The following TATDN2 variants were observed in gnomAD, a reference collection of about 807,000 sequenced individuals.
TATDN2 encodes TatD DNase domain containing 2, also known as 3'-5' RNA nuclease TATDN2.
TATDN2 carries 44 observed loss-of-function variants against 60.3 expected under a neutral mutation model. The ratio of observed to expected loss-of-function variants is 0.73; its 90% CI spans 0.57 to 0.94. The LOEUF is 0.94. Ranked by LOEUF, TATDN2 falls within the 40% of genes least tolerant of loss-of-function variation. TATDN2 has a pLI of 0.00. For missense variants in TATDN2, 997 were observed against 948.0 expected (o/e 1.05, Z -0.68); for synonymous variants, 399 against 355.8 (o/e 1.12, Z -1.37).
chr3:10,251,254 G>A (rs1379585723), intron 2 of TATDN2, among the ~76,000 whole-genome samples: 1 of 152,180 alleles, frequency 6.6e-6, no homozygotes, highest in Non-Finnish European at 1.5e-5. Context: ...GTGGTATGAT[G>A]GAGTAGTGAG....
At chr3:10,268,730 C>A (rs998527877) in intron 3 of TATDN2, among the ~76,000 whole-genome samples, 2 of 152,156 alleles carry the variant, frequency 1.3e-5, no homozygotes, top group African/African-American at 4.8e-5. Context: ...GTTGAGGCAC[C>A]ATTTATTCTA....
Position 10,270,597 on chromosome 3 carries a change from G to C in TATDN2, c.1415G>C (p.Arg472Pro), listed in dbSNP as rs1010950060. 2 of 1,614,238 alleles carry C rather than the reference G, an allele frequency of 1.2e-6. No homozygotes were observed. The highest frequency in any genetic ancestry group is 1.7e-5 in the Admixed American group (1 of 60,032). ...ACATTCCAAGAGGAGATGCCTCCGC[G>C]TCCTTGTGGAGGACACGCATCCAGC... ...KRTFQEEMPP[R>P]PCGGHASSSL... Residue 472 changes from arginine to proline, a missense_variant, in exon 4 of 8, where the codon CGT becomes CCT. Arg to Pro is a moderately radical substitution (Grantham distance 103, BLOSUM62 -2). Coordinates refer to ENST00000448281, the MANE Select transcript of TATDN2 (RefSeq NM_014760.4).
Position 10,278,485 on chromosome 3 carries a change from T to G in TATDN2, c.2145+23T>G. The G allele has an allele frequency of 6.2e-7, 1 of 1,603,138 alleles. No homozygotes were observed. Among genetic ancestry groups the G allele is most frequent in the Non-Finnish European group, 8.5e-7 (1 of 1,171,900 alleles). On this transcript the variant is annotated intron_variant, in intron 6 of 7. Transcript: ENST00000448281. The surrounding 1 kb of genome is among the most constrained non-coding windows in gnomAD (Gnocchi z 4.7). Reference sequence around the variant, plus strand: ...CAGGTAAGGGGGTCTTCAGGCTGAGTGGAGGCACCGGAGGGAGAGGGTGGG... The same window carrying G: ...CAGGTAAGGGGGTCTTCAGGCTGAGGGGAGGCACCGGAGGGAGAGGGTGGG...
chr3:10,250,367 T>TAAA (rs1698204572), intron 2 of TATDN2, among the ~76,000 whole-genome samples: 1 of 152,028 alleles, frequency 6.6e-6, no homozygotes, highest in Admixed American at 6.6e-5. Flanking sequence ...TCTAGGTGTT[T>TAAA]GGGATTCTTT....
At chr3:10,257,906 G>A (rs1488249046) in intron 2 of TATDN2, among the ~76,000 whole-genome samples, 1 of 112,082 alleles carries the variant, frequency 8.9e-6, no homozygotes, top group Non-Finnish European at 1.7e-5. Context: ...TGTAGCCCAG[G>A]CTGGAGTGCA....
chr3:10,270,657 A>G lies in TATDN2; in HGVS notation c.1475A>G (p.Glu492Gly). ...AAGAGCCACCTGGAGCCAAGCCTAGAGGAGGGCTTCATTGACACTCATTGT... is the reference window on the plus strand; with the variant it reads ...AAGAGCCACCTGGAGCCAAGCCTAGGGGAGGGCTTCATTGACACTCATTGT... Reference protein sequence around the residue: ...LPKSHLEPSLEEGFIDTHCHL... With the variant: ...LPKSHLEPSLGEGFIDTHCHL... The change falls in exon 4 of 8, where the codon GAG becomes GGG. Residue 492 changes from glutamate to glycine, a missense_variant. By Grantham distance (98) the Glu-to-Gly change is moderately conservative (BLOSUM62 -2). Transcript: ENST00000448281. 3 of 1,614,226 alleles carry G rather than the reference A, an allele frequency of 1.9e-6. No homozygotes were observed. The highest frequency in any genetic ancestry group is 2.5e-6 in the Non-Finnish European group (3 of 1,180,034).
In TATDN2 at chr3:10,249,446, C is replaced by T. The variant is rs1285006763; in HGVS notation, c.246C>T (p.Ser82=). The change falls in exon 2 of 8, where the codon TCC becomes TCT. Residue 82 remains serine, a synonymous_variant. Coordinates refer to ENST00000448281, the MANE Select transcript of TATDN2 (RefSeq NM_014760.4). ...GSSRRRNNSS[S]SFSPHFLGPG... is the part of the protein sequence containing the mutation. ...CCCGCCGCAGAAATAACTCCTCCTC[C>T]TCCTTCTCCCCACATTTCTTGGGCC... 6.2e-7 allele frequency: 1 copy of T among 1,614,004 alleles called. No individual in the cohort carries two copies. The highest frequency in any genetic ancestry group is 8.5e-7 in the Non-Finnish European group (1 of 1,180,012).
intron 2 of TATDN2, among the ~76,000 whole-genome samples, chr3:10,256,686 G>T (rs1698313177): frequency 2.0e-5 from 3 of 151,958 alleles, no homozygotes; most frequent in Non-Finnish European, 4.4e-5. Flanking sequence ...CCCGTCTGAG[G>T]GTGCAGATAC....
At chr3:10,272,768 C>G (rs1698585101) in intron 4 of TATDN2, among the ~76,000 whole-genome samples, 1 of 149,604 alleles carries the variant, frequency 6.7e-6, no homozygotes, top group South Asian at 2.1e-4. Flanking sequence ...GGTGTGGTGA[C>G]TCATGCCTGT....
chr3:10,255,890 C>T (rs1389992718), intron 2 of TATDN2, among the ~76,000 whole-genome samples: 1 of 152,192 alleles, frequency 6.6e-6, no homozygotes, highest in Non-Finnish European at 1.5e-5. Context: ...TGTAAGTGAG[C>T]TGAGATGGCG....
At chr3:10,276,014 A>G (rs1448165355) in intron 4 of TATDN2, among the ~76,000 whole-genome samples, 1 of 152,094 alleles carries the variant, frequency 6.6e-6, no homozygotes, top group Non-Finnish European at 1.5e-5. Flanking sequence ...TGCCCCTGCC[A>G]CCCCAGGTCG....
At chr3:10,270,091 C>A in intron 3 of TATDN2, 40 bp from the exon 4 acceptor site, 10 of 1,566,158 alleles carry the variant, frequency 6.4e-6, no homozygotes, top group Non-Finnish European at 8.6e-6. Flanking sequence ...ATCTTCACAT[C>A]GGAAGGCTAA....
chr3:10,278,337 A>G lies in TATDN2; in HGVS notation c.2020A>G (p.Met674Val), dbSNP rs543489055. The G allele has an allele frequency of 1.1e-5, 17 of 1,613,886 alleles. No homozygotes were observed. The highest frequency in any genetic ancestry group is 7.7e-5 in the South Asian group (7 of 91,076). Residue 674 changes from methionine to valine, a missense_variant, in exon 6 of 8, where the codon ATG becomes GTG. Met to Val is a conservative substitution (Grantham distance 21). Coordinates refer to ENST00000448281, the MANE Select transcript of TATDN2 (RefSeq NM_014760.4). The surrounding 1 kb of genome is among the most constrained non-coding windows in gnomAD (Gnocchi z 4.7). Reference sequence around the variant, plus strand: ...GCCCCTGCTGAAGTACTTTCCCAACATGTCTGTGGGCTTCACGGCAGTGCT... The same window carrying G: ...GCCCCTGCTGAAGTACTTTCCCAACGTGTCTGTGGGCTTCACGGCAGTGCT... The part of the protein sequence containing the change: ...IEPLLKYFPN[M>V]SVGFTAVLTY...
intron 4 of TATDN2, among the ~76,000 whole-genome samples, chr3:10,272,022 G>A (rs367679930): frequency 1.1e-3 from 168 of 152,246 alleles, no homozygotes; most frequent in African/African-American, 3.2e-3. Flanking sequence ...GAGCCACTGC[G>A]CCCGCCCCCT....
intron 2 of TATDN2, among the ~76,000 whole-genome samples, chr3:10,251,730 G>A (rs1377637614): frequency 6.6e-6 from 1 of 151,936 alleles, no homozygotes; most frequent in Non-Finnish European, 1.5e-5. Flanking sequence ...TTTTTGAAAC[G>A]ATTTCCCAGG....
At chr3:10,267,888 G>A (rs1346250549) in intron 3 of TATDN2, among the ~76,000 whole-genome samples, 1 of 151,994 alleles carries the variant, frequency 6.6e-6, no homozygotes, top group Non-Finnish European at 1.5e-5. Flanking sequence ...AGAAAATTCA[G>A]CAGGGAAAAA....
Position 10,270,438 on chromosome 3 carries a change from A to T in TATDN2, c.1256A>T (p.Tyr419Phe). 6.2e-7 allele frequency: 1 copy of T among 1,614,196 alleles called. No homozygotes were observed. The highest frequency in any genetic ancestry group is 8.5e-7 in the Non-Finnish European group (1 of 1,180,024). The change falls in exon 4 of 8, where the codon TAT (tyrosine) becomes TTT (phenylalanine). Residue 419 changes from tyrosine to phenylalanine, a missense_variant. By Grantham distance (22) the Tyr-to-Phe change is conservative. Transcript: ENST00000448281. ...GKSSRSRMSD[Y>F]SPNSTGSVQN... is the part of the protein sequence containing the mutation. ...AGCAGCCGGAGCCGCATGAGTGATTATTCCCCCAACTCTACAGGGAGTGTC... is the reference window on the plus strand; with the variant it reads ...AGCAGCCGGAGCCGCATGAGTGATTTTTCCCCCAACTCTACAGGGAGTGTC...
At chr3:10,273,000 A>G (rs1015689803) in intron 4 of TATDN2, among the ~76,000 whole-genome samples, 1 of 152,070 alleles carries the variant, frequency 6.6e-6, no homozygotes, top group Non-Finnish European at 1.5e-5. Flanking sequence ...ATTATGCTCC[A>G]GCCTGGGTGA....
At chr3:10,272,262 G>A (rs1000558530) in intron 4 of TATDN2, among the ~76,000 whole-genome samples, 12 of 151,546 alleles carry the variant, frequency 7.9e-5, no homozygotes, top group Middle Eastern at 3.4e-3. Context: ...ACACCACCAC[G>A]CCTGGCTAAT....
Sources: allele counts gnomAD v4.1 joint callset (sites outside exome capture counted in the v4.1 genomes callset), GRCh38; gene constraint gnomAD v4.1.1; non-coding constraint Gnocchi (gnomAD v3.1); transcripts MANE v1.5; gene names NCBI Gene and HGNC (gene_info 2026-07-23, HGNC 2026-07-21).